SLC1A7: variants seen among roughly 807,000 people sequenced by gnomAD.
SLC1A7 encodes the protein excitatory amino acid transporter 5.
Under a neutral mutation model 47.7 loss-of-function variants are expected in SLC1A7, and 40 were observed. That is an observed-to-expected ratio of 0.84 (90% confidence interval 0.65 to 1.09). The LOEUF (loss-of-function observed/expected upper bound fraction) is 1.09. Ranked by LOEUF, SLC1A7 falls within the 50% of genes least tolerant of loss-of-function variation. The pLI is 0.00. For synonymous variants in SLC1A7, 323 were observed against 325.6 expected (o/e 0.99, Z 0.09); for missense variants, 746 against 769.5 (o/e 0.97, Z 0.36).
chr1:53,129,546 CTGGGTTGGAGAAAT>C (rs1644919350), intron 2 of SLC1A7, among the ~76,000 whole-genome samples: 1 of 101,138 alleles, frequency 9.9e-6, no homozygotes, highest in African/African-American at 3.7e-5. Flanking sequence ...GGGCCAGGGG[CTGGGTTGGAGAAAT>C]TCTAGAAAAA....
rs528173571 is a variant in SLC1A7 at position 53,122,251 on chromosome 1, G to A, written c.216-7278C>T. On this transcript the variant is annotated intron_variant, in intron 2 of 10. Coordinates refer to ENST00000371494, the MANE Select transcript of SLC1A7 (RefSeq NM_006671.6). ...GGTTCAAGCCCTAGTCTGCTGGCAT[G>A]ACAGCATCCAGTCACAACCTCCTGG... Among the ~76,000 whole-genome samples the A allele has an allele frequency of 2.8e-4, 43 of 152,278 alleles. 1 individual carries two copies. The South Asian group carries it at 8.5e-3, about 30-fold the overall frequency.
At chr1:53,117,429 G>A (rs895113397) in intron 2 of SLC1A7, among the ~76,000 whole-genome samples, 3 of 152,194 alleles carry the variant, frequency 2.0e-5, no homozygotes, top group African/African-American at 7.2e-5. Flanking sequence ...GGTGTACTGG[G>A]AGGGTCACTG....
At chr1:53,096,477 C>T (rs1412433391) in intron 5 of SLC1A7, among the ~76,000 whole-genome samples, 1 of 150,758 alleles carries the variant, frequency 6.6e-6, no homozygotes, top group Non-Finnish European at 1.5e-5. Context: ...CACACCCCAC[C>T]TTAGCACACT....
At chr1:53,105,348 A>G (rs1017921433) in intron 4 of SLC1A7, among the ~76,000 whole-genome samples, 8 of 152,206 alleles carry the variant, frequency 5.3e-5, no homozygotes, top group Non-Finnish European at 1.2e-4. Context: ...GTCATTTACT[A>G]GTGGTATAAC....
intron 6 of SLC1A7, 49 bp from the exon 7 acceptor site, chr1:53,092,836 C>A (rs573127182): frequency 1.6e-6 from 2 of 1,252,038 alleles, no homozygotes; most frequent in Non-Finnish European, 2.3e-6. Flanking sequence ...GGCAGACACA[C>A]CCCGGCCCCA....
intron 2 of SLC1A7, among the ~76,000 whole-genome samples, chr1:53,122,962 G>A (rs1000929226): frequency 6.6e-6 from 1 of 152,046 alleles, no homozygotes; most frequent in South Asian, 2.1e-4. Context: ...GGCGGTGGGT[G>A]CTGCTACCCT....
At chr1:53,090,488 C>G (rs1189873290) in intron 8 of SLC1A7, 124 bp downstream of exon 8, 8 of 1,400,478 alleles carry the variant, frequency 5.7e-6, no homozygotes, top group South Asian at 1.5e-5. Flanking sequence ...AGCCCTGGCC[C>G]TCTGCCTGCT....
At chr1:53,097,997 C>G (rs1263528451) in intron 5 of SLC1A7, among the ~76,000 whole-genome samples, 2 of 150,304 alleles carry the variant, frequency 1.3e-5, no homozygotes, top group African/African-American at 4.9e-5. Context: ...ACTCACACCA[C>G]CTCGGTACAC....
intron 5 of SLC1A7, among the ~76,000 whole-genome samples, chr1:53,096,269 T>A (rs1433275638): frequency 1.7e-5 from 2 of 120,912 alleles, no homozygotes; most frequent in East Asian, 4.9e-4. Flanking sequence ...ATCTGTACAC[T>A]CACACACACC....
chr1:53,137,995 T>A (rs1230272213), intron 1 of SLC1A7, among the ~76,000 whole-genome samples: 1 of 152,146 alleles, frequency 6.6e-6, no homozygotes, highest in Non-Finnish European at 1.5e-5. Flanking sequence ...TGAGAAAGAG[T>A]GGATGGGAGA....
chr1:53,099,475 G>A (rs147687710), intron 5 of SLC1A7, among the ~76,000 whole-genome samples: 550 of 140,374 alleles, frequency 3.9e-3, no homozygotes, highest in Admixed American at 0.016. Flanking sequence ...CACACACCTC[G>A]CCTCAGTACA....
Position 53,105,729 on chromosome 1 carries a change from C to T in SLC1A7, c.474+3G>A, listed in dbSNP as rs1366014550. The T allele has an allele frequency of 1.2e-6, 2 of 1,611,156 alleles. No individual in the cohort carries two copies. The highest frequency in any genetic ancestry group is 2.7e-5 in the African/African-American group (2 of 74,806). On this transcript the variant is annotated splice_donor_region_variant and intron_variant, in intron 4 of 10. Coordinates refer to ENST00000371494, the MANE Select transcript of SLC1A7 (RefSeq NM_006671.6). ...CCCCTCCACTGCCCAGAGACTCACT[C>T]ACCTGTTTGAATGTGGCTTCTACTA...
chr1:53,092,975 A>C (rs1363133584), intron 6 of SLC1A7, among the ~76,000 whole-genome samples, 188 bp from the exon 7 acceptor site: 1 of 151,990 alleles, frequency 6.6e-6, no homozygotes, highest in Non-Finnish European at 1.5e-5. Flanking sequence ...CCACCGCCCC[A>C]GCTCCAGACA....
intron 5 of SLC1A7, among the ~76,000 whole-genome samples, chr1:53,095,988 A>ACT (rs2150317992): frequency 7.1e-6 from 1 of 140,646 alleles, no homozygotes. Context: ...ACCTTGGTAC[A>ACT]CACACACCCC....
At chr1:53,133,715 G>T (rs114417551) in intron 2 of SLC1A7, among the ~76,000 whole-genome samples, 1 of 152,078 alleles carries the variant, frequency 6.6e-6, no homozygotes, top group South Asian at 2.1e-4. Context: ...TCCATGGCCC[G>T]CACCCTACTG....
chr1:53,100,406 T>C (rs971871174), intron 5 of SLC1A7, among the ~76,000 whole-genome samples: 2 of 151,290 alleles, frequency 1.3e-5, no homozygotes, highest in African/African-American at 2.4e-5. Flanking sequence ...CCCGCCTCAG[T>C]ACACTCACAC....
Position 53,128,607 on chromosome 1 carries a change from C to T in SLC1A7, c.215+5743G>A, listed in dbSNP as rs548768949. On this transcript the variant is annotated intron_variant, in intron 2 of 10. Coordinates refer to ENST00000371494, the MANE Select transcript of SLC1A7 (RefSeq NM_006671.6). ...GGGCAGGACCTGGCCAGGGCCCCTG[C>T]GGAGGCCCTGTGGATGTGCAGGTGT... 1.8e-3 allele frequency among the ~76,000 whole-genome samples: 264 copies of T among 143,206 alleles called. 43 individuals are homozygous for T. Among genetic ancestry groups the T allele is most frequent in the African/African-American group, 6.6e-3 (257 of 38,938 alleles). The allele number at this position is 143,206 out of a possible 152,430, so 93.9% of individuals were successfully genotyped here.
In SLC1A7 at chr1:53,090,623, G is replaced by A; in HGVS notation, c.1215C>T (p.Ile405=). The change falls in exon 8 of 11, where the codon ATC becomes ATT. Residue 405 remains isoleucine (I), a synonymous_variant. Coordinates refer to ENST00000371494, the MANE Select transcript of SLC1A7 (RefSeq NM_006671.6). ...GTGTCAGGGTGCACCTGATGGTGAT[G>A]ATCTGGCCAAAGTCCAGCTCGTAGT... is the stretch of plus-strand genomic sequence containing the variant. The part of the protein sequence containing the change: ...VNNYELDFGQ[I]ITISITATAA... The A allele has an allele frequency of 6.3e-7, 1 of 1,591,536 alleles. No homozygotes were observed. Among genetic ancestry groups the A allele is most frequent in the South Asian group, 1.1e-5 (1 of 87,590 alleles).
rs142054307 is a variant in SLC1A7 at position 53,123,135 on chromosome 1, A to G, written c.216-8162T>C. The stretch of plus-strand genomic sequence containing the variant: ...AGAGCTCACTGTCAGACTGCCGGCC[A>G]TTCTCAACCATTCTCCACCAAGAAG... On this transcript the variant is annotated intron_variant, in intron 2 of 10. Coordinates refer to ENST00000371494, the MANE Select transcript of SLC1A7 (RefSeq NM_006671.6). 2.8e-3 allele frequency among the ~76,000 whole-genome samples: 432 copies of G among 152,310 alleles called. 2 individuals are homozygous for G. Among genetic ancestry groups the G allele is most frequent in the Non-Finnish European group, 5.1e-3 (350 of 68,028 alleles).
Sources: allele counts gnomAD v4.1 joint callset (sites outside exome capture counted in the v4.1 genomes callset), GRCh38; gene constraint gnomAD v4.1.1; transcripts MANE v1.5; gene names NCBI Gene and HGNC (gene_info 2026-07-23, HGNC 2026-07-21).